Variants in SOX6 observed in about 807,000 individuals in gnomAD.
SOX6 encodes SRY-box transcription factor 6.
In SOX6, 11 loss-of-function variants were observed where a neutral mutation model predicts 97.8. That is an observed-to-expected ratio of 0.11 (90% CI 0.07 to 0.19). The LOEUF (loss-of-function observed/expected upper bound fraction) is 0.19. SOX6 is among the 10% of genes least tolerant of loss of function. The pLI is 1.00. For synonymous variants in SOX6, 360 were observed against 371.4 expected, an observed-to-expected ratio of 0.97 and a Z score of 0.35; for missense variants, 810 against 1,039.5, an observed-to-expected ratio of 0.78 and a Z score of 3.04.
chr11:16,384,484 A>T (rs1335118247), intron 1 of SOX6, among the ~76,000 whole-genome samples: 1 of 151,990 alleles, frequency 6.6e-6, no homozygotes, highest in African/African-American at 2.4e-5. Context: ...CATCTTAAAG[A>T]TACTATTTTA....
intron 1 of SOX6, among the ~76,000 whole-genome samples, chr11:16,420,932 G>T (rs1859008700): frequency 6.6e-6 from 1 of 152,154 alleles, no homozygotes; most frequent in African/African-American, 2.4e-5. Flanking sequence ...GGGCCTCCAA[G>T]GCCTAACATT....
At chr11:16,403,127 C>T (rs531991886) in intron 1 of SOX6, among the ~76,000 whole-genome samples, 7 of 151,572 alleles carry the variant, frequency 4.6e-5, no homozygotes, top group African/African-American at 1.4e-4. Context: ...TAATTAGCTA[C>T]GATTTTCACA....
At chr11:16,502,851 C>G (rs1280397087) in intron 4 of SOX6, among the ~76,000 whole-genome samples, 1 of 152,034 alleles carries the variant, frequency 6.6e-6, no homozygotes, top group Non-Finnish European at 1.5e-5. Flanking sequence ...ATTAGACATC[C>G]AGATATGAGA....
At chr11:16,690,587 CTA>C (rs1848005974) in intron 3 of SOX6, among the ~76,000 whole-genome samples, 1 of 152,204 alleles carries the variant, frequency 6.6e-6, no homozygotes, top group Non-Finnish European at 1.5e-5. Context: ...TAGTACCCCA[CTA>C]TATGTTTTGA....
At chr11:16,418,543 A>C (rs1858968499) in intron 1 of SOX6, among the ~76,000 whole-genome samples, 1 of 152,206 alleles carries the variant, frequency 6.6e-6, no homozygotes, top group Non-Finnish European at 1.5e-5. Flanking sequence ...AATGGGAAGA[A>C]GTAACAAATG....
intron 3 of SOX6, among the ~76,000 whole-genome samples, chr11:16,285,784 A>G (rs1045347011): frequency 1.3e-5 from 2 of 152,148 alleles, no homozygotes; most frequent in Non-Finnish European, 2.9e-5. Flanking sequence ...AATAAAAGTT[A>G]TTTCAACTAT....
At chr11:16,470,000 G>A (rs546120103) in intron 1 of SOX6, among the ~76,000 whole-genome samples, 1 of 152,194 alleles carries the variant, frequency 6.6e-6, no homozygotes, top group Non-Finnish European at 1.5e-5. Flanking sequence ...TACACATTCA[G>A]ATTAGCAAAC....
intron 4 of SOX6, among the ~76,000 whole-genome samples, chr11:16,222,147 A>G (rs1490483448): frequency 6.6e-6 from 1 of 152,172 alleles, no homozygotes; most frequent in Non-Finnish European, 1.5e-5. Flanking sequence ...AACATCTATT[A>G]ACCCATACAT....
At chr11:16,201,525 T>C (rs996805483) in intron 4 of SOX6, among the ~76,000 whole-genome samples, 1 of 150,314 alleles carries the variant, frequency 6.7e-6, no homozygotes, top group Non-Finnish European at 1.5e-5. Flanking sequence ...ATTCTATATA[T>C]AGATAGATAT....
chr11:16,318,279 A>G, intron 3 of SOX6, 167 bp downstream of exon 3: 1 of 694,798 alleles, frequency 1.4e-6, no homozygotes, highest in Non-Finnish European at 2.5e-6. Flanking sequence ...TAACACTCCT[A>G]ATGGATCAAA....
At chr11:16,245,113 A>G (rs1853299621) in intron 3 of SOX6, among the ~76,000 whole-genome samples, 1 of 151,752 alleles carries the variant, frequency 6.6e-6, no homozygotes, top group Non-Finnish European at 1.5e-5. Flanking sequence ...GCTGCATCCC[A>G]CACATTTCGT....
At chr11:16,135,499 C>A (rs1403471293) in intron 6 of SOX6, among the ~76,000 whole-genome samples, 1 of 152,046 alleles carries the variant, frequency 6.6e-6, no homozygotes, top group Non-Finnish European at 1.5e-5. Flanking sequence ...GAAGTTGATT[C>A]CAACCCTCAT....
intron 4 of SOX6, among the ~76,000 whole-genome samples, chr11:16,523,612 A>G (rs1287138730): frequency 6.6e-6 from 1 of 152,174 alleles, no homozygotes; most frequent in East Asian, 1.9e-4. Flanking sequence ...AGCTAGCAGA[A>G]GGCAAGAAAT....
chr11:16,088,611 T>C (rs1195267568), intron 9 of SOX6, among the ~76,000 whole-genome samples: 1 of 152,170 alleles, frequency 6.6e-6, no homozygotes. Context: ...TCTCTTTAAA[T>C]GTAGATTTTG....
chr11:16,133,318 C>T (rs1849870034), intron 6 of SOX6, among the ~76,000 whole-genome samples: 1 of 152,172 alleles, frequency 6.6e-6, no homozygotes, highest in South Asian at 2.1e-4. Flanking sequence ...CCCTACCCCA[C>T]TGCTACAGTT....
intron 4 of SOX6, among the ~76,000 whole-genome samples, chr11:16,526,772 T>A (rs1016250037): frequency 2.6e-5 from 4 of 152,106 alleles, no homozygotes; most frequent in Non-Finnish European, 5.9e-5. Flanking sequence ...AAGACCCAGA[T>A]ATTTTTAAAC....
At chr11:16,677,308 G>A (rs780601053) in intron 3 of SOX6, among the ~76,000 whole-genome samples, 35 of 152,046 alleles carry the variant, frequency 2.3e-4, no homozygotes, top group Non-Finnish European at 4.0e-4. Flanking sequence ...GGGAAATGAG[G>A]AAAACCTGAG....
chr11:16,677,885 A>G, intron 3 of SOX6, among the ~76,000 whole-genome samples: 1 of 152,344 alleles, frequency 6.6e-6, no homozygotes, highest in African/African-American at 2.4e-5. Context: ...TAATGAATAT[A>G]TAGATACTAA....
At chr11:16,198,346 C>T (rs937633355) in intron 4 of SOX6, among the ~76,000 whole-genome samples, 2 of 150,628 alleles carry the variant, frequency 1.3e-5, no homozygotes, top group African/African-American at 4.9e-5. Context: ...AAAGTGCCAG[C>T]CAATTCAAGA....
Sources: allele counts gnomAD v4.1 joint callset (sites outside exome capture counted in the v4.1 genomes callset), GRCh38; gene constraint gnomAD v4.1.1; transcripts MANE v1.5; gene names NCBI Gene and HGNC (gene_info 2026-07-23, HGNC 2026-07-21).